The following ELMOD1 variants were observed in gnomAD, a reference collection of about 807,000 sequenced individuals.
ELMOD1 encodes ELMO domain containing 1.
A neutral mutation model predicts 46.7 loss-of-function variants in ELMOD1; 21 were observed. That is an observed-to-expected ratio of 0.45 (90% CI 0.32 to 0.65). The LOEUF (loss-of-function observed/expected upper bound fraction) is 0.65, where lower values mean the gene tolerates loss of function less well. Ranked by LOEUF, ELMOD1 falls within the 30% of genes least tolerant of loss-of-function variation. ELMOD1 has a pLI of 0.04. For synonymous variants in ELMOD1, 122 were observed against 138.2 expected (o/e 0.88, Z 0.82); for missense variants, 348 against 407.8 (o/e 0.85, Z 1.26).
intron 1 of ELMOD1, 86 bp from the exon 2 acceptor site, chr11:107,618,019 C>CGG (rs1865889663): frequency 1.5e-6 from 1 of 674,348 alleles, no homozygotes; most frequent in Non-Finnish European, 2.7e-6. Context: ...GGCATGTTAA[C>CGG]TGCTTGCCTC....
rs149212231 is a variant in ELMOD1, at chr11:107,659,789, C to T, written c.832+3723C>T. 9.9e-3 allele frequency among the ~76,000 whole-genome samples: 1,506 copies of T among 151,910 alleles called. 27 individuals carry two copies. The highest frequency in any genetic ancestry group is 0.034 in the African/African-American group (1,423 of 41,388). On this transcript the variant is annotated intron_variant, in intron 11 of 11. Coordinates refer to ENST00000265840, the MANE Select transcript of ELMOD1 (RefSeq NM_018712.4). ...GGAAATTTTCTCCTTAGGCCAGGCG[C>T]GGTGGCTCACACCTGTAATCCCAGC...
chr11:107,654,111 G>A (rs1866577420), intron 9 of ELMOD1, 61 bp from the exon 10 acceptor site: 6 of 1,388,164 alleles, frequency 4.3e-6, no homozygotes, highest in Non-Finnish European at 5.0e-6. Context: ...AGCATTAAAA[G>A]AGAACAAGTA....
Position 107,650,911 on chromosome 11 carries a change from A to T in ELMOD1, c.647+3A>T. 1 of 1,121,510 alleles carries T rather than the reference A, an allele frequency of 8.9e-7. No individual in the cohort carries two copies. 69.5% of individuals were successfully genotyped at this position (1,121,510 alleles called of 1,614,324 possible). On this transcript the variant is annotated splice_donor_region_variant and intron_variant, in intron 9 of 11. Transcript: ENST00000265840. ...GATATCACTAAAGAAGAAATAAGGT[A>T]TTTTTTCTTTGTTTTTGTGTTTTAT...
At chr11:107,636,914 G>A (rs1037650844) in intron 6 of ELMOD1, among the ~76,000 whole-genome samples, 1 of 152,090 alleles carries the variant, frequency 6.6e-6, no homozygotes, top group South Asian at 2.1e-4. Context: ...GGAAATAAGA[G>A]GTGACAGAGA....
chr11:107,618,369 T>G (rs2135673998), intron 2 of ELMOD1, among the ~76,000 whole-genome samples, 163 bp downstream of exon 2: 1 of 152,268 alleles, frequency 6.6e-6, no homozygotes, highest in East Asian at 1.9e-4. Flanking sequence ...GCCATGAGAT[T>G]CCTCTGCTAA....
chr11:107,614,631 C>G (rs2135670065), intron 1 of ELMOD1, among the ~76,000 whole-genome samples: 1 of 152,326 alleles, frequency 6.6e-6, no homozygotes, highest in South Asian at 2.1e-4. Flanking sequence ...GCCACCATGC[C>G]CGGCCCAGAG....
At chr11:107,592,201 C>T in intron 1 of ELMOD1, 1 of 387,944 alleles carries the variant, frequency 2.6e-6, no homozygotes, top group Non-Finnish European at 5.4e-6. Context: ...ATGAATATTT[C>T]AGGAACGACC....
intron 11 of ELMOD1, among the ~76,000 whole-genome samples, chr11:107,658,826 T>C (rs542625116): frequency 1.3e-5 from 2 of 152,298 alleles, no homozygotes; most frequent in African/African-American, 4.8e-5. Context: ...GCCCAGCTAC[T>C]CGGGAGGCTG....
intron 1 of ELMOD1, among the ~76,000 whole-genome samples, chr11:107,612,046 G>A (rs1865789697): frequency 6.6e-6 from 1 of 152,016 alleles, no homozygotes; most frequent in Non-Finnish European, 1.5e-5. Flanking sequence ...TAAATCATTC[G>A]ACAAAAAGAC....
intron 1 of ELMOD1, among the ~76,000 whole-genome samples, chr11:107,602,996 CCT>C (rs1865628312): frequency 6.6e-6 from 1 of 152,128 alleles, no homozygotes; most frequent in South Asian, 2.1e-4. Flanking sequence ...ATCCTGGCTG[CCT>C]CTGTTCTGGG....
At chr11:107,601,280 T>C (rs1865592783) in intron 1 of ELMOD1, among the ~76,000 whole-genome samples, 1 of 152,050 alleles carries the variant, frequency 6.6e-6, no homozygotes, top group Admixed American at 6.5e-5. Context: ...ATATCACTAT[T>C]TTTGATTAAA....
At chr11:107,612,811 T>C (rs1432827377) in intron 1 of ELMOD1, among the ~76,000 whole-genome samples, 1 of 152,236 alleles carries the variant, frequency 6.6e-6, no homozygotes, top group African/African-American at 2.4e-5. Context: ...ATTTTCTATA[T>C]AAAACATTTA....
intron 11 of ELMOD1, among the ~76,000 whole-genome samples, chr11:107,657,570 A>C (rs1003758908): frequency 6.6e-6 from 1 of 152,218 alleles, no homozygotes; most frequent in African/African-American, 2.4e-5. Context: ...ATATCTTTTA[A>C]AACTAAGGGA....
chr11:107,640,122 G>A (rs1866295602), intron 6 of ELMOD1, among the ~76,000 whole-genome samples: 1 of 152,120 alleles, frequency 6.6e-6, no homozygotes, highest in Non-Finnish European at 1.5e-5. Context: ...TCCAGCCTCA[G>A]CCTCCTGAGT....
intron 1 of ELMOD1, among the ~76,000 whole-genome samples, chr11:107,595,478 A>G (rs976010918): frequency 6.6e-6 from 1 of 152,184 alleles, no homozygotes; most frequent in Admixed American, 6.5e-5. Context: ...TTTCAAGGCA[A>G]TTAGGCCATA....
intron 4 of ELMOD1, among the ~76,000 whole-genome samples, chr11:107,631,061 A>T (rs1866126966): frequency 6.6e-6 from 1 of 152,200 alleles, no homozygotes; most frequent in Non-Finnish European, 1.5e-5. Flanking sequence ...AATCATTTTT[A>T]ACATTATACT....
At chr11:107,654,314 A>G in intron 10 of ELMOD1, 92 bp downstream of exon 10, 2 of 1,085,806 alleles carry the variant, frequency 1.8e-6, no homozygotes, top group East Asian at 2.6e-5. Context: ...GTGAAACTCT[A>G]CTTGTCCTAA....
intron 1 of ELMOD1, among the ~76,000 whole-genome samples, chr11:107,599,753 AAAAAAAGAAAAG>A: frequency 7.4e-6 from 1 of 134,480 alleles, no homozygotes; most frequent in East Asian, 2.1e-4. Context: ...AAAAAAAAAG[AAAAAAAGAAAAG>A]AAAAAAAAAA....
intron 1 of ELMOD1, chr11:107,592,210 C>T: frequency 1.0e-5 from 4 of 396,102 alleles, no homozygotes; most frequent in South Asian, 7.9e-5. Context: ...TCAGGAACGA[C>T]CTCACGGGCT....
Sources: gnomAD v4.1 joint callset for allele counts (sites outside exome capture counted in the v4.1 genomes callset) on GRCh38, gnomAD v4.1.1 for gene constraint, MANE v1.5 for transcripts, NCBI Gene and HGNC (gene_info 2026-07-23, HGNC 2026-07-21) for gene names.